CCSER2: variants seen among roughly 807,000 people sequenced by gnomAD.
CCSER2 encodes the protein coiled-coil serine rich protein 2, also known as serine-rich coiled-coil domain-containing protein 2.
CCSER2 carries 46 observed loss-of-function variants against 92.3 expected under a neutral mutation model. The observed-to-expected ratio is 0.50, with a 90% CI of 0.39 to 0.64. The LOEUF (loss-of-function observed/expected upper bound fraction) is 0.64, where lower values mean the gene tolerates loss of function less well. Among genes scored for constraint, CCSER2 ranks in the 30% least tolerant of loss-of-function variants. CCSER2 has a pLI of 0.00. For synonymous variants in CCSER2, 433 were observed against 431.4 expected (o/e 1.00, Z -0.04); for missense variants, 1,244 against 1,238.9 (o/e 1.00, Z -0.06).
intron 6 of CCSER2, among the ~76,000 whole-genome samples, 182 bp from the exon 7 acceptor site, chr10:84,463,751 T>G (rs1241140789): frequency 6.6e-6 from 1 of 152,236 alleles, no homozygotes; most frequent in Non-Finnish European, 1.5e-5. Flanking sequence ...TCTTCCACAT[T>G]TCCTTCTAAC....
intron 1 of CCSER2, among the ~76,000 whole-genome samples, chr10:84,332,410 T>TATATA (rs1564571510): frequency 9.1e-6 from 1 of 109,906 alleles, no homozygotes; most frequent in African/African-American, 4.7e-5. Flanking sequence ...AAATTTATTT[T>TATATA]TTTATATATA....
intron 3 of CCSER2, among the ~76,000 whole-genome samples, chr10:84,408,641 A>G (rs796528844): frequency 2.4e-4 from 37 of 152,320 alleles, no homozygotes; most frequent in African/African-American, 7.7e-4. Flanking sequence ...AAAATGTAGC[A>G]TTTAGTTGGT....
At chr10:84,374,463 A>G (rs968593766) in intron 3 of CCSER2, among the ~76,000 whole-genome samples, 1 of 152,114 alleles carries the variant, frequency 6.6e-6, no homozygotes, top group Non-Finnish European at 1.5e-5. Context: ...TCTTTTCACT[A>G]TGGCAGAGGA....
intron 9 of CCSER2, among the ~76,000 whole-genome samples, chr10:84,508,595 C>A (rs34605691): frequency 0.058 from 8,865 of 152,150 alleles, 369 homozygotes; most frequent in Admixed American, 0.1. Context: ...GAAGAAAGTT[C>A]TCTCTAAACT....
intron 1 of CCSER2, among the ~76,000 whole-genome samples, chr10:84,369,704 C>T (rs1449885776): frequency 7.2e-5 from 11 of 151,942 alleles, no homozygotes; most frequent in Admixed American, 7.2e-4. Context: ...CTTTTTGTGT[C>T]TTAGTCGTAA....
intron 7 of CCSER2, among the ~76,000 whole-genome samples, chr10:84,465,984 C>T (rs1417879504): frequency 7.9e-5 from 12 of 152,154 alleles, no homozygotes; most frequent in Admixed American, 3.9e-4. Flanking sequence ...GTGATCCGCC[C>T]GCTTCGGCGT....
chr10:84,399,051 A>G (rs183940637), intron 3 of CCSER2, among the ~76,000 whole-genome samples: 2 of 152,338 alleles, frequency 1.3e-5, no homozygotes, highest in Admixed American at 6.5e-5. Context: ...TAATTTTTAT[A>G]TATTTTGGGA....
chr10:84,418,010 T>C (rs1335963571), intron 4 of CCSER2, 149 bp downstream of exon 4: 1 of 497,982 alleles, frequency 2.0e-6, no homozygotes, highest in African/African-American at 1.9e-5. Flanking sequence ...ATAGGTTCAT[T>C]TGCAAACTAA....
At chr10:84,510,413 T>G (rs1350539505) in intron 9 of CCSER2, among the ~76,000 whole-genome samples, 1 of 152,166 alleles carries the variant, frequency 6.6e-6, no homozygotes, top group African/African-American at 2.4e-5. Context: ...TTCCTTTACC[T>G]TATTGTCTCC....
chr10:84,343,368 A>G (rs1371618973), intron 1 of CCSER2, among the ~76,000 whole-genome samples: 2 of 152,060 alleles, frequency 1.3e-5, no homozygotes, highest in Non-Finnish European at 2.9e-5. Flanking sequence ...TTCTCTCTTC[A>G]TTGTCTTTAC....
chr10:84,416,307 A>G (rs1378567861), intron 3 of CCSER2, among the ~76,000 whole-genome samples: 1 of 152,058 alleles, frequency 6.6e-6, no homozygotes, highest in Non-Finnish European at 1.5e-5. Context: ...TGGATATTTC[A>G]GTTGAAGGTG....
intron 6 of CCSER2, among the ~76,000 whole-genome samples, chr10:84,458,348 C>A (rs1322193953): frequency 1.3e-5 from 2 of 152,048 alleles, no homozygotes; most frequent in Non-Finnish European, 2.9e-5. Context: ...TGCCTTTGAC[C>A]ATAAATGTGT....
intron 1 of CCSER2, among the ~76,000 whole-genome samples, chr10:84,337,517 A>G (rs528776733): frequency 1.4e-4 from 22 of 152,330 alleles, no homozygotes; most frequent in African/African-American, 5.1e-4. Flanking sequence ...TTAAGAGAGA[A>G]TTGGAGGAAA....
intron 3 of CCSER2, among the ~76,000 whole-genome samples, chr10:84,414,613 ATGT>A (rs1251872665): frequency 1.3e-5 from 2 of 149,706 alleles, no homozygotes; most frequent in Non-Finnish European, 3.0e-5. Context: ...TGAGAATCTG[ATGT>A]TTATGTGTCT....
In CCSER2 at chr10:84,391,870, A is replaced by G. The variant is rs542182058; in HGVS notation, c.1614+18055A>G. On this transcript the variant is annotated intron_variant, in intron 3 of 9. Transcript: ENST00000372088. Reference sequence around the variant, plus strand: ...TCCCAGTAGTGTAATCCAAGATTTTATATTTTTTTGTGATGCTGTTGCATC... The same window carrying G: ...TCCCAGTAGTGTAATCCAAGATTTTGTATTTTTTTGTGATGCTGTTGCATC... 1.3e-4 allele frequency: 190 copies of G among 1,459,768 alleles called. 2 individuals carry two copies. The Admixed American group carries it at 3.1e-3, about 24-fold the overall frequency. 90.4% of individuals were successfully genotyped at this position (1,459,768 alleles called of 1,614,324 possible).
At chr10:84,456,119 C>T in intron 6 of CCSER2, 1 of 349,126 alleles carries the variant, frequency 2.9e-6, no homozygotes, top group Non-Finnish European at 5.7e-6. Context: ...CAGGAAACGC[C>T]ATGCAGAGCC....
intron 3 of CCSER2, among the ~76,000 whole-genome samples, chr10:84,386,667 G>A (rs932799582): frequency 6.6e-6 from 1 of 152,206 alleles, no homozygotes; most frequent in Non-Finnish European, 1.5e-5. Flanking sequence ...AATGGCGGAG[G>A]CTGCGGTGCG....
intron 3 of CCSER2, among the ~76,000 whole-genome samples, chr10:84,378,832 C>G (rs1846487917): frequency 6.6e-6 from 1 of 152,198 alleles, no homozygotes; most frequent in South Asian, 2.1e-4. Context: ...CACAGTCTCC[C>G]AAGTAGCTGG....
chr10:84,388,738 C>G (rs1402322434), intron 3 of CCSER2, among the ~76,000 whole-genome samples: 1 of 152,178 alleles, frequency 6.6e-6, no homozygotes, highest in African/African-American at 2.4e-5. Context: ...CTCAGATCAT[C>G]AGGCATTAGA....
Sources: allele counts gnomAD v4.1 joint callset (sites outside exome capture counted in the v4.1 genomes callset), GRCh38; gene constraint gnomAD v4.1.1; transcripts MANE v1.5; gene names NCBI Gene and HGNC (gene_info 2026-07-23, HGNC 2026-07-21).